Variants in GRID2 observed in about 807,000 individuals in gnomAD.
The protein encoded by GRID2 is glutamate ionotropic receptor delta type subunit 2.
GRID2 carries 33 observed loss-of-function variants against 114.8 expected under a neutral mutation model. The observed-to-expected ratio is 0.29, with a 90% CI of 0.22 to 0.38. The LOEUF (loss-of-function observed/expected upper bound fraction) is 0.38, where lower values mean the gene tolerates loss of function less well. GRID2 is among the 10% of genes least tolerant of loss of function. The pLI, the probability that GRID2 is intolerant of heterozygous loss-of-function variation, is 1.00. For missense variants in GRID2, 1,184 were observed against 1,257.7 expected (o/e 0.94, Z 0.89); for synonymous variants, 505 against 449.9 (o/e 1.12, Z -1.55).
intron 1 of GRID2, among the ~76,000 whole-genome samples, chr4:92,381,610 C>T (rs1729621535): frequency 6.6e-6 from 1 of 151,936 alleles, no homozygotes; most frequent in Non-Finnish European, 1.5e-5. Flanking sequence ...TTGGGCAGCA[C>T]ACTTTTTCAC....
chr4:93,503,035 G>A (rs1578141263), intron 12 of GRID2, among the ~76,000 whole-genome samples: 1 of 152,156 alleles, frequency 6.6e-6, no homozygotes, highest in East Asian at 1.9e-4. Context: ...TGGCTCTCAG[G>A]CATCAAGATA....
intron 14 of GRID2, among the ~76,000 whole-genome samples, chr4:93,627,700 T>C (rs1560837254): frequency 6.6e-6 from 1 of 152,216 alleles, no homozygotes; most frequent in Non-Finnish European, 1.5e-5. Context: ...GCTGTTCTCA[T>C]TGCAAAGAGC....
intron 14 of GRID2, among the ~76,000 whole-genome samples, chr4:93,686,830 G>A (rs1726121493): frequency 6.6e-6 from 1 of 151,964 alleles, no homozygotes; most frequent in Non-Finnish European, 1.5e-5. Flanking sequence ...GAAAGAGGTA[G>A]AGGATGAGGT....
At chr4:92,987,225 T>C in intron 2 of GRID2, among the ~76,000 whole-genome samples, 1 of 152,014 alleles carries the variant, frequency 6.6e-6, no homozygotes, top group Non-Finnish European at 1.5e-5. Context: ...CTGATAAAAT[T>C]TTTTTTTAGT....
chr4:92,901,351 T>C (rs1162444247), intron 2 of GRID2, among the ~76,000 whole-genome samples: 8 of 152,190 alleles, frequency 5.3e-5, no homozygotes, highest in Non-Finnish European at 1.2e-4. Flanking sequence ...TTTCATATGC[T>C]TGTTGTTGCA....
Position 93,747,827 on chromosome 4 carries a change from A to G in GRID2, c.2361-21383A>G, listed in dbSNP as rs1731978563. ...TGGACAGAAATTTTTCAAGTCAAAA[A>G]TTTATTAAATACTACCTGTTATTTG... is the stretch of plus-strand genomic sequence containing the variant. On this transcript the variant is annotated intron_variant, in intron 14 of 15. Transcript: ENST00000282020. Among the ~76,000 whole-genome samples the G allele has an allele frequency of 2.0e-5, 3 of 152,060 alleles. No individual in the cohort carries two copies. The South Asian group carries it at 6.2e-4, about 31-fold the overall frequency.
intron 2 of GRID2, among the ~76,000 whole-genome samples, chr4:93,033,304 G>A (rs1047223655): frequency 1.3e-5 from 2 of 152,120 alleles, no homozygotes; most frequent in Admixed American, 6.5e-5. Context: ...CCATGGTTAT[G>A]GTTTACTACA....
intron 5 of GRID2, 26 bp from the exon 6 acceptor site, chr4:93,216,712 T>C (rs994473671): frequency 9.2e-6 from 14 of 1,518,516 alleles, no homozygotes; most frequent in African/African-American, 1.4e-5. Context: ...AAAGTATCTC[T>C]AATTCTTCCA....
chr4:92,491,140 C>T (rs189488856), intron 1 of GRID2, among the ~76,000 whole-genome samples: 625 of 152,076 alleles, frequency 4.1e-3, no homozygotes, highest in Middle Eastern at 6.8e-3. Context: ...CATATTAGCC[C>T]GATAAATATT....
intron 8 of GRID2, among the ~76,000 whole-genome samples, chr4:93,291,910 T>A (rs1753799081): frequency 6.6e-6 from 1 of 152,196 alleles, no homozygotes; most frequent in African/African-American, 2.4e-5. Context: ...AGTTGTCATT[T>A]TTGTGATGAG....
At chr4:92,609,169 T>C (rs951899737) in intron 2 of GRID2, among the ~76,000 whole-genome samples, 2 of 151,762 alleles carry the variant, frequency 1.3e-5, no homozygotes, top group African/African-American at 4.8e-5. Flanking sequence ...CTTACATGCT[T>C]AGTGTATCCC....
intron 1 of GRID2, among the ~76,000 whole-genome samples, chr4:92,439,695 A>G (rs1732932132): frequency 6.9e-6 from 1 of 145,892 alleles, no homozygotes; most frequent in South Asian, 2.3e-4. Context: ...AAATGGAATA[A>G]CAGAAGGAGA....
At chr4:92,327,619 T>C (rs573652877) in intron 1 of GRID2, among the ~76,000 whole-genome samples, 2 of 152,114 alleles carry the variant, frequency 1.3e-5, no homozygotes, top group Admixed American at 6.6e-5. Flanking sequence ...ATTTAACCAA[T>C]ATTCTTCCCT....
chr4:92,716,390 T>C (rs886416456), intron 2 of GRID2, among the ~76,000 whole-genome samples: 22 of 152,202 alleles, frequency 1.4e-4, no homozygotes, highest in Admixed American at 3.9e-4. Flanking sequence ...AATGCAAAGC[T>C]GTCTGGCCCT....
In GRID2 at chr4:92,317,111, T is replaced by C. The variant is rs564455638; in HGVS notation, c.88+12367T>C. Among the ~76,000 whole-genome samples the C allele has an allele frequency of 2.0e-5, 3 of 152,328 alleles. No homozygotes were observed. The East Asian group carries it at 5.8e-4, about 29-fold the overall frequency. On this transcript the variant is annotated intron_variant, in intron 1 of 15. Coordinates refer to ENST00000282020, the MANE Select transcript of GRID2 (RefSeq NM_001510.4). ...CAGATATTGCATTAAGCATGATTTC[T>C]TGGGTATAGAAAAATAAAATTGCCT...
At chr4:92,983,166 C>T (rs1385705679) in intron 2 of GRID2, among the ~76,000 whole-genome samples, 1 of 151,946 alleles carries the variant, frequency 6.6e-6, no homozygotes, top group Non-Finnish European at 1.5e-5. Context: ...CAAAATACAA[C>T]AATATTGATA....
In GRID2 at chr4:93,294,827, TGG is replaced by T. The variant is rs1193669147; in HGVS notation, c.1245+56339_1245+56340del. ...GGCCCGCCTCAGCCTCTCTAAGTGC[TGG>T]GATTACAGGCATGAGCCACCGTGCC... On this transcript the variant is annotated intron_variant, in intron 8 of 15. Transcript: ENST00000282020. 3.3e-5 allele frequency among the ~76,000 whole-genome samples: 5 copies of T among 152,286 alleles called. No individual in the cohort carries two copies. The East Asian group carries it at 9.7e-4, about 29-fold the overall frequency.
chr4:92,644,783 T>C (rs1027407792), intron 2 of GRID2, among the ~76,000 whole-genome samples: 3 of 151,616 alleles, frequency 2.0e-5, no homozygotes, highest in African/African-American at 7.2e-5. Flanking sequence ...TCAAATAAAC[T>C]TTCTCAAATT....
intron 2 of GRID2, among the ~76,000 whole-genome samples, chr4:92,879,715 A>G (rs1745870648): frequency 6.6e-6 from 1 of 152,272 alleles, no homozygotes; most frequent in South Asian, 2.1e-4. Flanking sequence ...CAGTCACAAA[A>G]GGAAAAATAA....
Sources: gnomAD v4.1 joint callset for allele counts (sites outside exome capture counted in the v4.1 genomes callset) on GRCh38, gnomAD v4.1.1 for gene constraint, MANE v1.5 for transcripts, NCBI Gene and HGNC (gene_info 2026-07-23, HGNC 2026-07-21) for gene names.